CHRM5: variants seen among roughly 807,000 people sequenced by gnomAD.
CHRM5 encodes the protein cholinergic receptor muscarinic 5.
Under a neutral mutation model 39.0 loss-of-function variants are expected in CHRM5, and 18 were observed. That is an observed-to-expected ratio of 0.46 (90% CI 0.32 to 0.68). The LOEUF (loss-of-function observed/expected upper bound fraction) is 0.68. Ranked by LOEUF, CHRM5 falls within the 30% of genes least tolerant of loss-of-function variation. CHRM5 has a pLI of 0.04. For missense variants in CHRM5, 515 were observed against 651.1 expected, an observed-to-expected ratio of 0.79 and a Z score of 2.28; for synonymous variants, 241 against 246.3, an observed-to-expected ratio of 0.98 and a Z score of 0.20.
intron 1 of CHRM5, among the ~76,000 whole-genome samples, chr15:34,039,859 T>C (rs2684942): frequency 0.99 from 151,121 of 152,324 alleles, 74,975 homozygotes; most frequent in South Asian, 1. Context: ...CTAAAGTGAA[T>C]AACTAGGTAG....
At chr15:34,000,109 C>G (rs188692124) in intron 1 of CHRM5, among the ~76,000 whole-genome samples, 1 of 152,280 alleles carries the variant, frequency 6.6e-6, no homozygotes, top group Admixed American at 6.5e-5. Context: ...CTCACTTGCT[C>G]CCTCACCCTC....
intron 1 of CHRM5, among the ~76,000 whole-genome samples, chr15:34,030,127 G>A (rs1405067777): frequency 1.3e-5 from 2 of 151,962 alleles, no homozygotes; most frequent in Non-Finnish European, 2.9e-5. Context: ...GGTGGCACAT[G>A]TCTGTAATCC....
chr15:33,986,300 G>A (rs1987382), intron 1 of CHRM5, among the ~76,000 whole-genome samples: 141,869 of 151,766 alleles, frequency 0.93, 66,910 homozygotes, highest in Non-Finnish European at 1. Context: ...TAGTAGAAAC[G>A]GGGTTTCACC....
Position 34,033,454 on chromosome 15 carries a change from C to T in CHRM5, c.-407-13086C>T, listed in dbSNP as rs148939006. Among the ~76,000 whole-genome samples the T allele has an allele frequency of 2.6e-3, 394 of 150,792 alleles. 5 individuals carry two copies. The highest frequency in any genetic ancestry group is 8.7e-3 in the African/African-American group (355 of 40,998). ...CCAAGAGGCGGAGATTGCAGTGAGC[C>T]GAGATCGTGCCACTGCACTCCAGCC... is the stretch of plus-strand genomic sequence containing the variant. On this transcript the variant is annotated intron_variant, in intron 1 of 2. Coordinates refer to ENST00000383263, the MANE Select transcript of CHRM5 (RefSeq NM_012125.4).
At chr15:34,019,793 G>A (rs993974797) in intron 1 of CHRM5, among the ~76,000 whole-genome samples, 2 of 152,120 alleles carry the variant, frequency 1.3e-5, no homozygotes, top group Non-Finnish European at 2.9e-5. Context: ...CACCATCTAG[G>A]TTTATGTAAG....
At chr15:34,026,663 A>AG (rs1567475438) in intron 1 of CHRM5, among the ~76,000 whole-genome samples, 1 of 152,090 alleles carries the variant, frequency 6.6e-6, no homozygotes, top group African/African-American at 2.4e-5. Flanking sequence ...ACTGAGGACA[A>AG]GAGGAAAAAA....
chr15:34,055,605 T>A (rs1208271357), intron 2 of CHRM5, among the ~76,000 whole-genome samples: 1 of 151,740 alleles, frequency 6.6e-6, no homozygotes, highest in Admixed American at 6.6e-5. Flanking sequence ...ATCAAGACCA[T>A]CCTGGCTAAC....
chr15:34,008,375 G>A (rs908993385), intron 1 of CHRM5, among the ~76,000 whole-genome samples: 1 of 151,088 alleles, frequency 6.6e-6, no homozygotes, highest in East Asian at 2.0e-4. Context: ...AGCTGTGATT[G>A]TGCCACTGCA....
intron 1 of CHRM5, among the ~76,000 whole-genome samples, chr15:34,022,287 C>A (rs1898235868): frequency 6.6e-6 from 1 of 152,178 alleles, no homozygotes; most frequent in Admixed American, 6.5e-5. Context: ...AGAGGCAGAA[C>A]AATTAACAAG....
In CHRM5 at chr15:34,063,249, G is replaced by A. The variant is rs1370704585; in HGVS notation, c.532G>A (p.Val178Ile). 1 of 1,614,066 alleles carries A rather than the reference G, an allele frequency of 6.2e-7. No individual in the cohort carries two copies. Among genetic ancestry groups the A allele is most frequent in the Non-Finnish European group, 8.5e-7 (1 of 1,180,046 alleles). Residue 178 changes from valine to isoleucine, a missense_variant, in exon 3 of 3, where the codon GTT (valine) becomes ATT (isoleucine). Val to Ile is a conservative substitution (Grantham distance 29, BLOSUM62 3). Transcript: ENST00000383263. The surrounding 1 kb of genome is among the most constrained non-coding windows in gnomAD (Gnocchi z 4.1). ...CWQYLVGKRTVPLDECQIQFL... is the reference protein window; with the variant it reads ...CWQYLVGKRTIPLDECQIQFL... The stretch of plus-strand genomic sequence containing the variant: ...GCAGTACTTGGTTGGGAAGCGGACA[G>A]TTCCACTGGATGAGTGCCAGATCCA...
At chr15:34,054,912 G>A (rs1900071519) in intron 2 of CHRM5, among the ~76,000 whole-genome samples, 1 of 152,204 alleles carries the variant, frequency 6.6e-6, no homozygotes, top group African/African-American at 2.4e-5. Flanking sequence ...AAGTAAATAA[G>A]CTGGGTGCGG....
Position 34,063,861 on chromosome 15 carries a change from C to T in CHRM5, c.1144C>T (p.Arg382Ter). ...KSQKCVAYKF[R>*]LVVKADGNQE... ...TCAGAAATGTGTGGCCTATAAGTTC[C>T]GATTGGTGGTAAAAGCTGACGGGAA... The change falls in exon 3 of 3, where the codon CGA becomes TGA. Residue 382 changes from arginine to a stop codon, truncating the protein, a stop_gained. Coordinates refer to ENST00000383263, the MANE Select transcript of CHRM5 (RefSeq NM_012125.4). LOFTEE classifies it high-confidence loss of function. This position sits in a 1 kb window ranked among gnomAD's most constrained non-coding sequence, Gnocchi z 4.1. 8 of 1,614,124 alleles carry T rather than the reference C, an allele frequency of 5.0e-6. No homozygotes were observed. The highest frequency in any genetic ancestry group is 1.1e-5 in the South Asian group (1 of 91,084).
intron 1 of CHRM5, among the ~76,000 whole-genome samples, chr15:33,975,987 T>C (rs954062561): frequency 1.3e-5 from 2 of 152,208 alleles, no homozygotes; most frequent in Non-Finnish European, 2.9e-5. Flanking sequence ...TAGTATTATT[T>C]CACCTAACAA....
intron 1 of CHRM5, among the ~76,000 whole-genome samples, chr15:33,974,165 CA>C (rs2140503947): frequency 6.6e-6 from 1 of 152,066 alleles, no homozygotes; most frequent in Admixed American, 6.5e-5. Context: ...ATCGATAATC[CA>C]AAAGGATCTA....
intron 1 of CHRM5, among the ~76,000 whole-genome samples, chr15:34,036,708 A>G (rs1899142951): frequency 6.6e-6 from 1 of 152,244 alleles, no homozygotes; most frequent in Non-Finnish European, 1.5e-5. Context: ...TGATGAAGGG[A>G]TAAGACCAAC....
Position 34,055,726 on chromosome 15 carries a change from G to A in CHRM5, c.-75-6917G>A, listed in dbSNP as rs540857128. Among the ~76,000 whole-genome samples the A allele has an allele frequency of 2.4e-3, 359 of 151,906 alleles. 2 individuals carry two copies. The highest frequency in any genetic ancestry group is 8.1e-3 in the African/African-American group (334 of 41,438). On this transcript the variant is annotated intron_variant, in intron 2 of 2. Transcript: ENST00000383263. The stretch of plus-strand genomic sequence containing the variant: ...TGAGGCAGGAGAATGGTGTGAACCC[G>A]GGAGGTGGAGCTTGCAGTGAGCCGA...
At chr15:34,019,770 G>A (rs1056514785) in intron 1 of CHRM5, among the ~76,000 whole-genome samples, 1 of 152,286 alleles carries the variant, frequency 6.6e-6, no homozygotes, top group Non-Finnish European at 1.5e-5. Flanking sequence ...CCGCCTGGGT[G>A]TACAGTAGGC....
rs199681177 is a variant in CHRM5, at chr15:34,063,349, T to C, written c.632T>C (p.Ile211Thr). The C allele has an allele frequency of 6.2e-7, 1 of 1,614,116 alleles. No individual in the cohort carries two copies. Among genetic ancestry groups the C allele is most frequent in the African/African-American group, 1.3e-5 (1 of 75,036 alleles). Residue 211 changes from isoleucine (I) to threonine (T), a missense_variant, in exon 3 of 3, where the codon ATC becomes ACC. By Grantham distance (89) the Ile-to-Thr change is moderately conservative (BLOSUM62 -1). Coordinates refer to ENST00000383263, the MANE Select transcript of CHRM5 (RefSeq NM_012125.4). The surrounding 1 kb of genome is among the most constrained non-coding windows in gnomAD (Gnocchi z 4.1). ...TACATCCCTGTTTCTGTCATGACCA[T>C]CCTCTACTGTCGAATCTACCGGGAA... ...AFYIPVSVMT[I>T]LYCRIYRETE...
At chr15:34,048,798 C>A (rs1435395331) in intron 2 of CHRM5, among the ~76,000 whole-genome samples, 1 of 152,106 alleles carries the variant, frequency 6.6e-6, no homozygotes, top group Non-Finnish European at 1.5e-5. Context: ...GGGCCAGCAA[C>A]AGGTCAGTAT....
Sources: gnomAD v4.1 joint callset for allele counts (sites outside exome capture counted in the v4.1 genomes callset) on GRCh38, gnomAD v4.1.1 for gene constraint, Gnocchi (gnomAD v3.1) non-coding constraint, MANE v1.5 for transcripts, NCBI Gene and HGNC (gene_info 2026-07-23, HGNC 2026-07-21) for gene names.